The following PTPRF variants were observed in gnomAD, a reference collection of about 807,000 sequenced individuals.
PTPRF encodes the protein receptor-type tyrosine-protein phosphatase F.
Under a neutral mutation model 201.8 loss-of-function variants are expected in PTPRF, and 59 were observed. The observed-to-expected ratio is 0.29, with a 90% confidence interval of 0.24 to 0.36. PTPRF has a LOEUF of 0.36. Among genes scored for constraint, PTPRF ranks in the 10% least tolerant of loss-of-function variants. The pLI is 1.00. For synonymous variants in PTPRF, 1,088 were observed against 1,089.7 expected (o/e 1.00, Z 0.03); for missense variants, 2,132 against 2,690.5 (o/e 0.79, Z 4.59).
chr1:43,562,515 C>T (rs1043284006), intron 5 of PTPRF, among the ~76,000 whole-genome samples: 6 of 152,046 alleles, frequency 3.9e-5, no homozygotes, highest in African/African-American at 9.7e-5. Flanking sequence ...AAGCAATTCT[C>T]ATGTCTCAGC....
intron 22 of PTPRF, among the ~76,000 whole-genome samples, chr1:43,611,585 G>T (rs1302536736): frequency 6.6e-6 from 1 of 152,186 alleles, no homozygotes; most frequent in African/African-American, 2.4e-5. Context: ...AGGTATTAAA[G>T]GTTTTCAGCG....
rs560445344 is a variant in PTPRF at position 43,595,568 on chromosome 1, A to G, written c.1814-2180A>G. Among the ~76,000 whole-genome samples the G allele has an allele frequency of 5.3e-5, 8 of 152,322 alleles. No individual in the cohort carries two copies. The East Asian group carries it at 7.7e-4, about 15-fold the overall frequency. ...AAAATTTCAAGCATATTTAAATGCT[A>G]TTGGAAACAGTCAATAGGAAAAAAA... On this transcript the variant is annotated intron_variant, in intron 11 of 33. Coordinates refer to ENST00000359947, the MANE Select transcript of PTPRF (RefSeq NM_002840.5).
intron 21 of PTPRF, among the ~76,000 whole-genome samples, chr1:43,608,306 T>C (rs1331776546): frequency 6.6e-6 from 1 of 152,216 alleles, no homozygotes; most frequent in East Asian, 1.9e-4. Flanking sequence ...CTGTCCTTGC[T>C]TGTCTTTCGG....
Position 43,604,499 on chromosome 1 carries a change from C to T in PTPRF, c.3037+310C>T, listed in dbSNP as rs374662506. Among the ~76,000 whole-genome samples, 27 of 152,304 alleles carry T rather than the reference C, an allele frequency of 1.8e-4. No individual in the cohort carries two copies. In the South Asian group the frequency reaches 5.6e-3, roughly 32 times the overall value. On this transcript the variant is annotated intron_variant, in intron 16 of 33. Transcript: ENST00000359947. ...ACCTCCTGATCTTTGGTGTGTGACA[C>T]TAATCTCTTGGGGCCATGACCCACC...
In PTPRF at chr1:43,535,081, A is replaced by T. The variant is rs145986836; in HGVS notation, c.-125-3117A>T. Among the ~76,000 whole-genome samples the T allele has an allele frequency of 4.6e-5, 7 of 152,176 alleles. No homozygotes were observed. The East Asian group carries it at 1.2e-3, about 25-fold the overall frequency. On this transcript the variant is annotated intron_variant, in intron 1 of 33. Coordinates refer to ENST00000359947, the MANE Select transcript of PTPRF (RefSeq NM_002840.5). ...AACCCACCCTCCCATCAGGGGTCAC[A>T]TGAGGTTGCCTTTAATGAGAAGATA...
chr1:43,526,029 G>A (rs993372530), upstream of PTPRF, among the ~76,000 whole-genome samples: 4 of 151,920 alleles, frequency 2.6e-5, no homozygotes, highest in South Asian at 2.1e-4. Flanking sequence ...AAAGACATGC[G>A]CATGGGCAGA....
intron 13 of PTPRF, among the ~76,000 whole-genome samples, chr1:43,600,961 C>G (rs1254226114): frequency 6.6e-6 from 1 of 152,212 alleles, no homozygotes; most frequent in Non-Finnish European, 1.5e-5. Flanking sequence ...TTGGGACAGC[C>G]CAGGTCTCCC....
chr1:43,539,558 G>A (rs1334316976), intron 2 of PTPRF, among the ~76,000 whole-genome samples: 1 of 152,198 alleles, frequency 6.6e-6, no homozygotes, highest in East Asian at 1.9e-4. Context: ...AAATGTGTAT[G>A]TCCTGGGTGT....
In PTPRF at chr1:43,553,049, T is replaced by G. The variant is rs1020528783; in HGVS notation, c.92-443T>G. Reference sequence around the variant, plus strand: ...GTGGATGGTGGTGCCATCACTGAGATGGAGAGCAGGGGGAGGGACAACTCT... The same window carrying G: ...GTGGATGGTGGTGCCATCACTGAGAGGGAGAGCAGGGGGAGGGACAACTCT... On this transcript the variant is annotated intron_variant, in intron 3 of 33. Coordinates refer to ENST00000359947, the MANE Select transcript of PTPRF (RefSeq NM_002840.5). The surrounding 1 kb of genome is among the most constrained non-coding windows in gnomAD (Gnocchi z 4.1). 1.3e-5 allele frequency among the ~76,000 whole-genome samples: 2 copies of G among 151,992 alleles called. No homozygotes were observed. Among genetic ancestry groups the G allele is most frequent in the Non-Finnish European group, 2.9e-5 (2 of 67,966 alleles).
At chr1:43,614,006 A>C (rs1251377032) in intron 23 of PTPRF, among the ~76,000 whole-genome samples, 1 of 152,214 alleles carries the variant, frequency 6.6e-6, no homozygotes, top group African/African-American at 2.4e-5. Context: ...TCAAGTGCTC[A>C]CAGGCAGACA....
chr1:43,530,936 G>GGGCTCGGGCTCCGGCTCCGGCTCC lies in PTPRF; in HGVS notation c.-274_-251dup, dbSNP rs1643395743. ...GCGGCTCCAGCTTCGGCTCCGGCTC[G>GGGCTCGGGCTCCGGCTCCGGCTCC]GGCTCGGGCTCCGGCTCCGGCTCCG... On this transcript the variant is annotated 5_prime_UTR_variant, in exon 1 of 34. Coordinates refer to ENST00000359947, the MANE Select transcript of PTPRF (RefSeq NM_002840.5). The surrounding 1 kb of genome is among the most constrained non-coding windows in gnomAD (Gnocchi z 4.1). The GGGCTCGGGCTCCGGCTCCGGCTCC allele has an allele frequency of 1.3e-5, 2 of 151,870 alleles. No individual in the cohort carries two copies. Among genetic ancestry groups the GGGCTCGGGCTCCGGCTCCGGCTCC allele is most frequent in the Non-Finnish European group, 2.8e-5 (2 of 70,394 alleles). 9.4% of individuals were successfully genotyped at this position (151,870 alleles called of 1,614,324 possible).
chr1:43,607,511 C>T (rs946504772), intron 21 of PTPRF, among the ~76,000 whole-genome samples: 1 of 152,256 alleles, frequency 6.6e-6, no homozygotes, highest in Non-Finnish European at 1.5e-5. Context: ...AGTTCTCTAT[C>T]GGCAGTGGCC....
At chr1:43,599,445 G>A (rs923774863) in intron 13 of PTPRF, among the ~76,000 whole-genome samples, 3 of 152,178 alleles carry the variant, frequency 2.0e-5, no homozygotes, top group South Asian at 2.1e-4. Flanking sequence ...CCCACAGAAA[G>A]GGTAGAGAGA....
chr1:43,557,618 G>C (rs1645472567), intron 5 of PTPRF, among the ~76,000 whole-genome samples: 1 of 146,450 alleles, frequency 6.8e-6, no homozygotes, highest in African/African-American at 2.6e-5. Flanking sequence ...TGGGCGACAG[G>C]AGACTCCATC....
At chr1:43,615,733 AT>A (rs1314427177) in intron 23 of PTPRF, among the ~76,000 whole-genome samples, 10 of 151,086 alleles carry the variant, frequency 6.6e-5, no homozygotes, top group African/African-American at 9.7e-5. Flanking sequence ...CACCCGGCTA[AT>A]TTTTTTTATT....
At chr1:43,556,481 C>A (rs894852384) in intron 5 of PTPRF, among the ~76,000 whole-genome samples, 1 of 152,114 alleles carries the variant, frequency 6.6e-6, no homozygotes, top group African/African-American at 2.4e-5. Context: ...AGGCTGGTCT[C>A]GAACTCCTGA....
At chr1:43,592,752 CGGGA>C in intron 11 of PTPRF, 151 bp downstream of exon 11, 9 of 980,208 alleles carry the variant, frequency 9.2e-6, no homozygotes, top group Non-Finnish European at 1.1e-5. Flanking sequence ...GTCTGGGCCT[CGGGA>C]GAGGGCCAGG....
At chr1:43,543,169 A>C (rs1302425275) in intron 2 of PTPRF, among the ~76,000 whole-genome samples, 2 of 152,212 alleles carry the variant, frequency 1.3e-5, no homozygotes, top group African/African-American at 2.4e-5. Flanking sequence ...ATAGGATACC[A>C]GATGTGTCCA....
chr1:43,536,455 A>C (rs1358282797), intron 1 of PTPRF, among the ~76,000 whole-genome samples: 2 of 152,024 alleles, frequency 1.3e-5, no homozygotes, highest in East Asian at 1.9e-4. Flanking sequence ...CTTCTGCTCC[A>C]TGTAGGGCCT....
Sources: allele counts gnomAD v4.1 joint callset (sites outside exome capture counted in the v4.1 genomes callset), GRCh38; gene constraint gnomAD v4.1.1; non-coding constraint Gnocchi (gnomAD v3.1); transcripts MANE v1.5; gene names NCBI Gene and HGNC (gene_info 2026-07-23, HGNC 2026-07-21).